Variants in ENTREP2 observed in about 807,000 individuals in gnomAD.
ENTREP2 encodes the protein protein ENTREP2.
the ENTREP2 span, among the ~76,000 whole-genome samples, chr15:29,556,770 C>CCCA: frequency 0.43 from 62,677 of 144,300 alleles, 14,290 homozygotes; most frequent in South Asian, 0.52. Flanking sequence ...GTGCCCCCCC[C>CCCA]CCGCCCCACA....
the ENTREP2 span, among the ~76,000 whole-genome samples, chr15:29,510,487 T>G: frequency 1.7e-4 from 26 of 152,154 alleles, no homozygotes; most frequent in Admixed American, 3.3e-4. Context: ...TAGCAAAGAC[T>G]TGGAACCAAC....
chr15:29,254,161 CAAAA>C, the ENTREP2 span, among the ~76,000 whole-genome samples: 343 of 61,316 alleles, frequency 5.6e-3, no homozygotes, highest in African/African-American at 0.019. Flanking sequence ...TGTTAAAGAG[CAAAA>C]AAAAAAAAAA....
the ENTREP2 span, among the ~76,000 whole-genome samples, chr15:29,403,855 C>G: frequency 6.6e-6 from 1 of 152,166 alleles, no homozygotes; most frequent in Non-Finnish European, 1.5e-5. Context: ...GGTTGCACCC[C>G]CAAAGGGTTG....
the ENTREP2 span, among the ~76,000 whole-genome samples, chr15:29,595,253 A>AAAAATAAAATAAAAT: frequency 3.3e-5 from 5 of 149,768 alleles, no homozygotes; most frequent in East Asian, 6.0e-4. Flanking sequence ...ACTCCGTCTC[A>AAAAATAAAATAAAAT]AAAATAAAAT....
chr15:29,659,111 A>T, the ENTREP2 span, among the ~76,000 whole-genome samples: 1 of 151,974 alleles, frequency 6.6e-6, no homozygotes, highest in Non-Finnish European at 1.5e-5. Flanking sequence ...GTGGGGATCC[A>T]CTCAATTGAA....
chr15:29,422,399 G>C, the ENTREP2 span, among the ~76,000 whole-genome samples: 1 of 152,158 alleles, frequency 6.6e-6, no homozygotes, highest in South Asian at 2.1e-4. Context: ...GCCTCTCCGG[G>C]GGCTCAGCAA....
the ENTREP2 span, among the ~76,000 whole-genome samples, chr15:29,556,133 A>T: frequency 2.6e-5 from 4 of 152,166 alleles, no homozygotes; most frequent in Admixed American, 2.6e-4. Context: ...GTGGCATGCC[A>T]GTAGCCCCAG....
At chr15:29,121,730 C>G in the ENTREP2 span, 1 of 152,256 alleles carries the variant, frequency 6.6e-6, no homozygotes, top group Non-Finnish European at 1.5e-5. Flanking sequence ...CATCAAAAGG[C>G]CTGGCTTATG....
chr15:29,247,011 A>ACG, the ENTREP2 span, among the ~76,000 whole-genome samples: 4 of 151,558 alleles, frequency 2.6e-5, no homozygotes, highest in African/African-American at 7.3e-5. Flanking sequence ...ACACACACAC[A>ACG]CACGCAAAAC....
chr15:29,271,343 CA>C, the ENTREP2 span, among the ~76,000 whole-genome samples: 5 of 152,264 alleles, frequency 3.3e-5, no homozygotes, highest in African/African-American at 1.2e-4. Context: ...TAGAATTCTG[CA>C]AAAGGTCCCT....
the ENTREP2 span, among the ~76,000 whole-genome samples, chr15:29,372,485 A>G: frequency 6.6e-6 from 1 of 152,264 alleles, no homozygotes; most frequent in African/African-American, 2.4e-5. Context: ...GGAGTCACAC[A>G]TTATATGCAA....
chr15:29,334,878 C>T, the ENTREP2 span, among the ~76,000 whole-genome samples: 8 of 152,166 alleles, frequency 5.3e-5, no homozygotes, highest in Non-Finnish European at 8.8e-5. Context: ...CACATGGAGA[C>T]GCCATCTGAA....
chr15:29,538,636 T>TAAAAAAA, the ENTREP2 span, among the ~76,000 whole-genome samples: 1 of 13,966 alleles, frequency 7.2e-5, no homozygotes, highest in Non-Finnish European at 1.4e-4. Flanking sequence ...CTACTAAAAA[T>TAAAAAAA]ACAAAAAAAA....
At chr15:29,586,897 C>G in the ENTREP2 span, among the ~76,000 whole-genome samples, 22 of 152,134 alleles carry the variant, frequency 1.4e-4, 1 homozygote, top group South Asian at 1.7e-3. Context: ...TTGCAGTAAT[C>G]AATTGATTCT....
chr15:29,278,892 G>C, the ENTREP2 span, among the ~76,000 whole-genome samples: 1 of 152,210 alleles, frequency 6.6e-6, no homozygotes, highest in African/African-American at 2.4e-5. Flanking sequence ...CAGTTCTGGA[G>C]GCTCCAAGTC....
chr15:29,287,861 T>C, the ENTREP2 span, among the ~76,000 whole-genome samples: 88 of 152,318 alleles, frequency 5.8e-4, no homozygotes, highest in African/African-American at 2.0e-3. Flanking sequence ...TATAAATCTA[T>C]AGTTATTAAG....
chr15:29,531,102 C>G, the ENTREP2 span, among the ~76,000 whole-genome samples: 1 of 152,224 alleles, frequency 6.6e-6, no homozygotes, highest in Non-Finnish European at 1.5e-5. Context: ...TGTTCTCAGC[C>G]TCAGGTAGGC....
chr15:29,668,091 G>A, the ENTREP2 span, among the ~76,000 whole-genome samples: 1 of 152,066 alleles, frequency 6.6e-6, no homozygotes, highest in Non-Finnish European at 1.5e-5. Flanking sequence ...GTAATAATAA[G>A]GACCCAGCAA....
chr15:29,312,721 G>A, the ENTREP2 span, among the ~76,000 whole-genome samples: 2 of 152,066 alleles, frequency 1.3e-5, no homozygotes, highest in Non-Finnish European at 2.9e-5. Flanking sequence ...TAGGCTGGCC[G>A]TTCCCCTGCC....
Sources: allele counts gnomAD v4.1 joint callset (sites outside exome capture counted in the v4.1 genomes callset), GRCh38; gene constraint gnomAD v4.1.1; transcripts MANE v1.5; gene names NCBI Gene and HGNC (gene_info 2026-07-23, HGNC 2026-07-21).